The following TSHZ3 variants were observed in gnomAD, a reference collection of about 807,000 sequenced individuals.
TSHZ3 encodes the protein teashirt homolog 3.
Under a neutral mutation model 64.5 loss-of-function variants are expected in TSHZ3, and 10 were observed. The observed-to-expected ratio is 0.16, with a 90% CI of 0.10 to 0.26. The LOEUF is 0.26. TSHZ3 is among the 10% of genes least tolerant of loss of function. The pLI is 1.00. For missense variants in TSHZ3, 1,242 were observed against 1,421.7 expected (o/e 0.87, Z 2.03); for synonymous variants, 608 against 593.1 (o/e 1.03, Z -0.36).
downstream of TSHZ3, among the ~76,000 whole-genome samples, chr19:31,271,861 C>T (rs535954787): frequency 1.1e-4 from 17 of 152,094 alleles, no homozygotes; most frequent in African/African-American, 2.2e-4. Flanking sequence ...TTAGCTAAGA[C>T]GATAATAGCT....
At chr19:31,283,395 T>A (rs1004011120) in intron 1 of TSHZ3, among the ~76,000 whole-genome samples, 4 of 152,170 alleles carry the variant, frequency 2.6e-5, no homozygotes, top group African/African-American at 9.7e-5. Flanking sequence ...TGCAATAATT[T>A]CACTACTCTG....
chr19:31,342,429 G>GGT (rs1425061189), intron 1 of TSHZ3, among the ~76,000 whole-genome samples: 1 of 152,142 alleles, frequency 6.6e-6, no homozygotes, highest in Non-Finnish European at 1.5e-5. Context: ...ATCTTTAAAA[G>GGT]GTGCTGGTTA....
chr19:31,212,323 T>A (rs1247405043), intron 4 of TSHZ3, among the ~76,000 whole-genome samples: 1 of 152,022 alleles, frequency 6.6e-6, no homozygotes, highest in Non-Finnish European at 1.5e-5. Flanking sequence ...CCGGGCGTGG[T>A]GGTGCACACC....
chr19:31,336,567 A>AT (rs1312459403), intron 1 of TSHZ3, among the ~76,000 whole-genome samples: 1 of 152,198 alleles, frequency 6.6e-6, no homozygotes, highest in African/African-American at 2.4e-5. Flanking sequence ...GTTTTAAAAA[A>AT]TCCGGTTATC....
intron 5 of TSHZ3, among the ~76,000 whole-genome samples, chr19:31,183,246 C>CTCTCTCTTTCTCTCTCTCTCT (rs1974751806): frequency 6.8e-6 from 1 of 147,652 alleles, no homozygotes; most frequent in South Asian, 2.2e-4. Context: ...CTCTCTCCAT[C>CTCTCTCTTTCTCTCTCTCTCT]CTTAGAGGAC....
In TSHZ3 at chr19:31,277,991, G is replaced by C. The variant is rs374766533; in HGVS notation, c.1802C>G (p.Pro601Arg). ...GGCATGAAAGTTTGTCTTGGGCATG[G>C]GGGACGTCTGGCTGCTGGGTGGAGA... ...LVSPPSSQTSPMPKTNFHAME... is the reference protein window; with the variant it reads ...LVSPPSSQTSRMPKTNFHAME... Residue 601 changes from proline (P) to arginine (R), a missense_variant, in exon 2 of 2, where the codon CCC becomes CGC. By Grantham distance (103) the Pro-to-Arg change is moderately radical. This residue lies in a region of TSHZ3 where 550 missense variants were observed against 545.1 expected (regional missense o/e 1.01). Coordinates refer to ENST00000240587, the MANE Select transcript of TSHZ3 (RefSeq NM_020856.4). The surrounding 1 kb of genome is among the most constrained non-coding windows in gnomAD (Gnocchi z 4.5). 16 of 1,614,150 alleles carry C rather than the reference G, an allele frequency of 9.9e-6. No homozygotes were observed. Among genetic ancestry groups the C allele is most frequent in the Non-Finnish European group, 1.4e-5 (16 of 1,180,002 alleles).
At chr19:31,264,424 C>T (rs1030621210) in intron 1 of TSHZ3, among the ~76,000 whole-genome samples, 4 of 152,218 alleles carry the variant, frequency 2.6e-5, no homozygotes, top group Non-Finnish European at 5.9e-5. Context: ...CCTCCTCCCT[C>T]CTATCTGAAC....
chr19:31,294,973 C>T (rs937430277), intron 1 of TSHZ3, among the ~76,000 whole-genome samples: 2 of 152,192 alleles, frequency 1.3e-5, no homozygotes, highest in Non-Finnish European at 2.9e-5. Context: ...TACACTCTGA[C>T]CCAGATAGCA....
At chr19:31,163,770 T>G (rs2145106085) in intron 5 of TSHZ3, among the ~76,000 whole-genome samples, 1 of 151,968 alleles carries the variant, frequency 6.6e-6, no homozygotes, top group East Asian at 1.9e-4. Context: ...ATGGCCCCAG[T>G]GAGGAACATG....
At chr19:31,330,716 A>AG (rs1568383581) in intron 1 of TSHZ3, among the ~76,000 whole-genome samples, 4 of 142,758 alleles carry the variant, frequency 2.8e-5, no homozygotes, top group Non-Finnish European at 1.5e-5. Context: ...GGGCGGGGGG[A>AG]GGAAAGTCCA....
intron 1 of TSHZ3, among the ~76,000 whole-genome samples, chr19:31,312,640 T>A (rs16965469): frequency 0.04 from 6,073 of 152,298 alleles, 447 homozygotes; most frequent in African/African-American, 0.14. Flanking sequence ...TTCGCTGAAA[T>A]CCAGAATCTT....
chr19:31,259,490 G>A (rs1975957021), intron 1 of TSHZ3, among the ~76,000 whole-genome samples: 1 of 152,024 alleles, frequency 6.6e-6, no homozygotes, highest in Non-Finnish European at 1.5e-5. Context: ...GGGTCCAGTC[G>A]AAGCATGCGT....
At chr19:31,315,123 G>A (rs961317334) in intron 1 of TSHZ3, among the ~76,000 whole-genome samples, 3 of 152,216 alleles carry the variant, frequency 2.0e-5, no homozygotes, top group Admixed American at 6.5e-5. Flanking sequence ...TGCTCTCCCC[G>A]AGCGGCCAGC....
At chr19:31,322,877 C>G (rs1386512069) in intron 1 of TSHZ3, among the ~76,000 whole-genome samples, 2 of 152,210 alleles carry the variant, frequency 1.3e-5, no homozygotes, top group African/African-American at 4.8e-5. Context: ...AGCCACAAAG[C>G]TCTCTGATAC....
chr19:31,222,515 G>A (rs970534047), intron 4 of TSHZ3, among the ~76,000 whole-genome samples: 2 of 152,190 alleles, frequency 1.3e-5, no homozygotes, highest in Non-Finnish European at 2.9e-5. Flanking sequence ...CTGTTCCCCA[G>A]TACTAATCAG....
intron 6 of TSHZ3, among the ~76,000 whole-genome samples, chr19:31,156,148 T>C (rs750492950): frequency 1.3e-5 from 2 of 152,202 alleles, no homozygotes; most frequent in Non-Finnish European, 2.9e-5. Context: ...CCTATTCTGC[T>C]TATTGTTTAT....
chr19:31,264,129 A>G (rs1450181412), intron 1 of TSHZ3, among the ~76,000 whole-genome samples: 1 of 152,214 alleles, frequency 6.6e-6, no homozygotes, highest in Non-Finnish European at 1.5e-5. Context: ...AAATGGCCTC[A>G]CATTCCTTCA....
chr19:31,213,054 A>G (rs1975279379), intron 4 of TSHZ3, among the ~76,000 whole-genome samples: 2 of 152,010 alleles, frequency 1.3e-5, no homozygotes, highest in African/African-American at 4.8e-5. Flanking sequence ...AAGGCAAACT[A>G]TGGAGACAGT....
In TSHZ3 at chr19:31,279,572, C is replaced by A; in HGVS notation, c.221G>T (p.Ser74Ile). ...ACTGGTCTCACTGATGTGTGACTCG[C>A]TGTCCATTTCATGGCAGGAAAACTC... ...AAEFSCHEMD[S>I]ESHISETSDR... is the part of the protein sequence containing the mutation. Residue 74 changes from serine (S) to isoleucine (I), a missense_variant, in exon 2 of 2, where the codon AGC (serine) becomes ATC (isoleucine). This residue lies in a region of TSHZ3 where 555 missense variants were observed against 704.0 expected (regional missense o/e 0.79). Coordinates refer to ENST00000240587, the MANE Select transcript of TSHZ3 (RefSeq NM_020856.4). This position sits in a 1 kb window ranked among gnomAD's most constrained non-coding sequence, Gnocchi z 6.4. The A allele has an allele frequency of 6.2e-7, 1 of 1,610,798 alleles. No homozygotes were observed. The highest frequency in any genetic ancestry group is 8.5e-7 in the Non-Finnish European group (1 of 1,177,816).
Sources: allele counts gnomAD v4.1 joint callset (sites outside exome capture counted in the v4.1 genomes callset), GRCh38; gene constraint gnomAD v4.1.1; regional missense constraint gnomAD v4.1.1; non-coding constraint Gnocchi (gnomAD v3.1); transcripts MANE v1.5; gene names NCBI Gene and HGNC (gene_info 2026-07-23, HGNC 2026-07-21).